The following PPP2R5C variants were observed in gnomAD, a reference collection of about 807,000 sequenced individuals.
PPP2R5C encodes the protein protein phosphatase 2 regulatory subunit B'gamma, also known as serine/threonine-protein phosphatase 2A 56 kDa regulatory subunit gamma isoform.
In PPP2R5C, 7 loss-of-function variants were observed where a neutral mutation model predicts 68.9. That is an observed-to-expected ratio of 0.10 (90% CI 0.06 to 0.19). The LOEUF (loss-of-function observed/expected upper bound fraction) is 0.19, where lower values mean the gene tolerates loss of function less well. PPP2R5C is among the 10% of genes least tolerant of loss of function. The pLI is 1.00. For synonymous variants in PPP2R5C, 210 were observed against 222.2 expected, an observed-to-expected ratio of 0.95 and a Z score of 0.49; for missense variants, 348 against 641.3, an observed-to-expected ratio of 0.54 and a Z score of 4.94.
At chr14:101,864,261 T>C (rs1384586548) in intron 2 of PPP2R5C, among the ~76,000 whole-genome samples, 1 of 152,094 alleles carries the variant, frequency 6.6e-6, no homozygotes, top group Non-Finnish European at 1.5e-5. Context: ...GGATTGGTGA[T>C]TGAATGAGTC....
chr14:101,819,198 G>A (rs946323328), intron 1 of PPP2R5C: 4 of 916,132 alleles, frequency 4.4e-6, no homozygotes, highest in East Asian at 2.7e-5. Context: ...TTATGTAATT[G>A]GTCAGACTTC....
chr14:101,784,487 G>A (rs991227538), intron 2 of PPP2R5C, among the ~76,000 whole-genome samples: 8 of 150,280 alleles, frequency 5.3e-5, no homozygotes, highest in African/African-American at 1.2e-4. Context: ...CTTCTTACAC[G>A]GCAGCAGGAG....
chr14:101,926,617 GTTTC>G (rs755967624), exon 14 of PPP2R5C: 13 of 152,582 alleles, frequency 8.5e-5, no homozygotes, highest in Non-Finnish European at 1.5e-4. Context: ...ACGTGATCTA[GTTTC>G]TTTCATCTCT....
At chr14:101,810,730 A>G (rs189852320) in intron 1 of PPP2R5C, among the ~76,000 whole-genome samples, 3 of 152,324 alleles carry the variant, frequency 2.0e-5, no homozygotes, top group Admixed American at 6.5e-5. Context: ...CAAGGTATAT[A>G]GAGATCACTG....
chr14:101,773,322 A>G (rs1169278014), intron 2 of PPP2R5C, among the ~76,000 whole-genome samples: 2 of 152,082 alleles, frequency 1.3e-5, no homozygotes, highest in East Asian at 1.9e-4. Context: ...ACATAGCTCC[A>G]CACACCACTG....
At chr14:101,831,617 C>A in intron 1 of PPP2R5C, 2 of 601,426 alleles carry the variant, frequency 3.3e-6, no homozygotes, top group Non-Finnish European at 6.2e-6. Flanking sequence ...TAAATAAGTA[C>A]AAGAATTACA....
At chr14:101,868,003 G>A (rs956670396) in intron 2 of PPP2R5C, among the ~76,000 whole-genome samples, 2 of 152,136 alleles carry the variant, frequency 1.3e-5, no homozygotes, top group Admixed American at 1.3e-4. Flanking sequence ...CTCACACCCT[G>A]CACCCCCAGA....
At chr14:101,890,430 C>T in intron 6 of PPP2R5C, 134 bp downstream of exon 8, 1 of 831,828 alleles carries the variant, frequency 1.2e-6, no homozygotes. Flanking sequence ...AATACAATTT[C>T]ACTGAAAGCA....
At chr14:101,911,084 CAGAG>C (rs2141106190) in intron 11 of PPP2R5C, among the ~76,000 whole-genome samples, 1 of 144,844 alleles carries the variant, frequency 6.9e-6, no homozygotes, top group Admixed American at 7.0e-5. Flanking sequence ...GCCTGGGAGA[CAGAG>C]AGAGACTCCG....
chr14:101,872,219 C>CTTTTTTTTT lies in PPP2R5C; in HGVS notation c.295-9928_295-9920dup, dbSNP rs386382344. On this transcript the variant is annotated intron_variant, in intron 2 of 13. Coordinates refer to ENST00000334743, the Ensembl canonical transcript of PPP2R5C. ...TGCAAAAGCCTTTCTTTTCTTTTGC[C>CTTTTTTTTT]TTTTTTTTTTTTTTTTTTTTTTGAG... Among the ~76,000 whole-genome samples, 18 of 91,190 alleles carry CTTTTTTTTT rather than the reference C, an allele frequency of 2.0e-4. 1 individual carries two copies. Among genetic ancestry groups the CTTTTTTTTT allele is most frequent in the African/African-American group, 8.2e-4 (16 of 19,444 alleles). The allele number at this position is 91,190 out of a possible 152,430, so 59.8% of individuals were successfully genotyped here.
rs2045571851 is a variant in PPP2R5C, at chr14:101,899,754, C to G, written c.853-1965C>G. On this transcript the variant is annotated intron_variant, in intron 8 of 13. Transcript: ENST00000334743. This position sits in a 1 kb window ranked among gnomAD's most constrained non-coding sequence, Gnocchi z 4.2. ...ATACACGCAAAGTGTGGTAGGAACA[C>G]AATAAATACTTATTCAATAGTTTTG... 6.6e-6 allele frequency among the ~76,000 whole-genome samples: 1 copy of G among 152,166 alleles called. No individual in the cohort carries two copies. The highest frequency in any genetic ancestry group is 6.5e-5 in the Admixed American group (1 of 15,280).
In PPP2R5C at chr14:101,822,144, C is replaced by T. The variant is rs2040124088; in HGVS notation, c.94+12108C>T. On this transcript the variant is annotated intron_variant, in intron 1 of 13. Coordinates refer to ENST00000334743, the Ensembl canonical transcript of PPP2R5C. ...CATCAAATCATACAGGAATCTGGCGCTATCAGAGCCAGGGTTAAGGCCTAA... is the reference window on the plus strand; with the variant it reads ...CATCAAATCATACAGGAATCTGGCGTTATCAGAGCCAGGGTTAAGGCCTAA... Among the ~76,000 whole-genome samples, 5 of 141,646 alleles carry T rather than the reference C, an allele frequency of 3.5e-5. 1 individual carries two copies. The South Asian group carries it at 1.2e-3, about 35-fold the overall frequency. The allele number at this position is 141,646 out of a possible 152,430, so 92.9% of individuals were successfully genotyped here. A position where few individuals can be genotyped will look rare whatever the true frequency, so the allele number is the denominator to read the frequency against.
At chr14:101,832,997 G>T (rs2040845546) in intron 1 of PPP2R5C, among the ~76,000 whole-genome samples, 1 of 152,232 alleles carries the variant, frequency 6.6e-6, no homozygotes, top group Non-Finnish European at 1.5e-5. Context: ...GGAGGTTGCA[G>T]TGTGAACACT....
At position 101,879,701 on chromosome 14, in the gene PPP2R5C, C is replaced by A. The variant is rs1409380433; in HGVS notation, c.295-2460C>A. 6.6e-6 allele frequency among the ~76,000 whole-genome samples: 1 copy of A among 152,300 alleles called. No individual in the cohort carries two copies. The highest frequency in any genetic ancestry group is 6.5e-5 in the Admixed American group (1 of 15,296). ...GCCATCTCCCTTTCCTGAAGGTGAC[C>A]CTGTCCTGTGGGTGACTGGACCCTC... On this transcript the variant is annotated intron_variant, in intron 2 of 13. Coordinates refer to ENST00000334743, the Ensembl canonical transcript of PPP2R5C. The surrounding 1 kb of genome is among the most constrained non-coding windows in gnomAD (Gnocchi z 4.2).
In PPP2R5C at chr14:101,781,635, G is replaced by A. The variant is rs1182468749; in HGVS notation, c.94-4383G>A. Among the ~76,000 whole-genome samples the A allele has an allele frequency of 1.3e-5, 2 of 152,104 alleles. No homozygotes were observed. The highest frequency in any genetic ancestry group is 2.9e-5 in the Non-Finnish European group (2 of 67,982). On this transcript the variant is annotated intron_variant, in intron 2 of 14. Coordinates refer to the PPP2R5C transcript ENST00000328724. This position sits in a 1 kb window ranked among gnomAD's most constrained non-coding sequence, Gnocchi z 6.4. ...TTAGCTCCCGCCGGCCGCCTCCGGAGCCTCCGGCATGGGCCCCAGGCCGGG... is the reference window on the plus strand; with the variant it reads ...TTAGCTCCCGCCGGCCGCCTCCGGAACCTCCGGCATGGGCCCCAGGCCGGG...
intron 1 of PPP2R5C, chr14:101,844,229 G>C (rs899998229): frequency 6.7e-6 from 1 of 150,094 alleles, no homozygotes; most frequent in Non-Finnish European, 1.5e-5. Context: ...TAACTAATTC[G>C]AATCTTAGAG....
chr14:101,778,204 C>T (rs1168579600), intron 2 of PPP2R5C, among the ~76,000 whole-genome samples: 1 of 152,056 alleles, frequency 6.6e-6, no homozygotes, highest in African/African-American at 2.4e-5. Flanking sequence ...GCTTGTTTGG[C>T]CATTTGTATA....
upstream of PPP2R5C, among the ~76,000 whole-genome samples, chr14:101,809,443 A>T (rs1339942755): frequency 4.0e-5 from 6 of 151,610 alleles, no homozygotes; most frequent in Non-Finnish European, 2.9e-5. Flanking sequence ...CCTACCTAAG[A>T]TGCAGATATT....
At chr14:101,775,175 TAA>T (rs1363244007) in intron 2 of PPP2R5C, among the ~76,000 whole-genome samples, 1 of 152,216 alleles carries the variant, frequency 6.6e-6, no homozygotes, top group Non-Finnish European at 1.5e-5. Flanking sequence ...ATTCACCATC[TAA>T]GAGATACTGA....
Sources: allele counts gnomAD v4.1 joint callset (sites outside exome capture counted in the v4.1 genomes callset), GRCh38; gene constraint gnomAD v4.1.1; non-coding constraint Gnocchi (gnomAD v3.1); transcripts MANE v1.5; gene names NCBI Gene and HGNC (gene_info 2026-07-23, HGNC 2026-07-21).